ARHGAP35: variants seen among roughly 807,000 people sequenced by gnomAD.
The protein encoded by ARHGAP35 is rho GTPase-activating protein 35.
ARHGAP35 carries 15 observed loss-of-function variants against 111.1 expected under a neutral mutation model. The ratio of observed to expected loss-of-function variants is 0.13; its 90% confidence interval spans 0.09 to 0.21. ARHGAP35 has a LOEUF of 0.21. Ranked by LOEUF, ARHGAP35 falls within the 10% of genes least tolerant of loss-of-function variation. The pLI is 1.00. For synonymous variants in ARHGAP35, 643 were observed against 710.3 expected (o/e 0.91, Z 1.51); for missense variants, 1,262 against 1,873.0 (o/e 0.67, Z 6.02).
chr19:46,865,038 A>C (rs954185676), intron 1 of ARHGAP35, among the ~76,000 whole-genome samples: 1 of 152,174 alleles, frequency 6.6e-6, no homozygotes, highest in African/African-American at 2.4e-5. Flanking sequence ...TGATTTTTCC[A>C]CCTTAACTGG....
intron 1 of ARHGAP35, among the ~76,000 whole-genome samples, chr19:46,887,254 G>T (rs1008532200): frequency 2.0e-5 from 3 of 152,138 alleles, no homozygotes; most frequent in Non-Finnish European, 4.4e-5. Context: ...AAACCGTGGT[G>T]CTCCAAAGTA....
intron 2 of ARHGAP35, among the ~76,000 whole-genome samples, chr19:46,929,285 T>TA (rs1254635508): frequency 6.6e-6 from 1 of 152,176 alleles, no homozygotes; most frequent in African/African-American, 2.4e-5. Context: ...ATAACTTAAT[T>TA]AAAAAGGTCC....
intron 1 of ARHGAP35, among the ~76,000 whole-genome samples, chr19:46,900,372 CA>C (rs1568463247): frequency 6.6e-6 from 1 of 152,088 alleles, no homozygotes; most frequent in Non-Finnish European, 1.5e-5. Context: ...AGGCATGTGC[CA>C]CCACACCTGG....
Position 46,986,311 on chromosome 19 carries a change from G to A in ARHGAP35, c.3827-1678G>A, listed in dbSNP as rs1442702390. 6.6e-6 allele frequency among the ~76,000 whole-genome samples: 1 copy of A among 152,178 alleles called. No individual in the cohort carries two copies. The highest frequency in any genetic ancestry group is 1.5e-5 in the Non-Finnish European group (1 of 68,032). ...GTGCTCCTCTGCCCACGGTAGGATG[G>A]GGAGGGAGTGGGAGCCCATCCTTCC... On this transcript the variant is annotated intron_variant, in intron 3 of 6. Coordinates refer to ENST00000672722, the MANE Select transcript of ARHGAP35 (RefSeq NM_004491.5). This position sits in a 1 kb window ranked among gnomAD's most constrained non-coding sequence, Gnocchi z 4.3.
intron 1 of ARHGAP35, among the ~76,000 whole-genome samples, chr19:46,907,603 C>G (rs2056116973): frequency 6.6e-6 from 1 of 151,900 alleles, no homozygotes; most frequent in South Asian, 2.1e-4. Flanking sequence ...CTCAGCCTCC[C>G]GAGTAGCTGG....
At chr19:46,956,690 T>A (rs1426593691) in intron 3 of ARHGAP35, among the ~76,000 whole-genome samples, 1 of 152,164 alleles carries the variant, frequency 6.6e-6, no homozygotes, top group Non-Finnish European at 1.5e-5. Flanking sequence ...AATACATCAG[T>A]GTGATTAAGA....
chr19:46,960,461 T>G (rs2056473458), intron 3 of ARHGAP35, among the ~76,000 whole-genome samples: 1 of 152,192 alleles, frequency 6.6e-6, no homozygotes, highest in South Asian at 2.1e-4. Flanking sequence ...ATGAAGAATT[T>G]CATAGGTTTT....
intron 1 of ARHGAP35, among the ~76,000 whole-genome samples, chr19:46,872,715 C>A (rs2122121900): frequency 6.6e-6 from 1 of 151,918 alleles, no homozygotes; most frequent in East Asian, 1.9e-4. Context: ...TCCGTCTCTA[C>A]TAAAAATACA....
chr19:46,951,013 G>A (rs1379201183), intron 3 of ARHGAP35, among the ~76,000 whole-genome samples: 6 of 152,238 alleles, frequency 3.9e-5, no homozygotes, highest in South Asian at 2.1e-4. Context: ...TTTACAGGGC[G>A]AATGTGGAGC....
At chr19:46,941,580 AAG>A (rs1020136913) in intron 3 of ARHGAP35, among the ~76,000 whole-genome samples, 3 of 148,758 alleles carry the variant, frequency 2.0e-5, no homozygotes, top group South Asian at 2.1e-4. Context: ...TAAAAAACAA[AAG>A]AGAGAGAGAA....
intron 1 of ARHGAP35, among the ~76,000 whole-genome samples, chr19:46,903,301 G>T (rs147363087): frequency 1.3e-5 from 2 of 152,308 alleles, no homozygotes; most frequent in Non-Finnish European, 2.9e-5. Context: ...TGCCGTGGGA[G>T]TCAGAGTCGG....
At chr19:46,863,904 T>C (rs986513914) in intron 1 of ARHGAP35, among the ~76,000 whole-genome samples, 1 of 152,244 alleles carries the variant, frequency 6.6e-6, no homozygotes, top group Non-Finnish European at 1.5e-5. Context: ...CTTCCTGGTC[T>C]TCAAAATGGT....
rs757011768 is a variant in ARHGAP35, at chr19:46,919,944, G to A, written c.1269G>A (p.Leu423=). The part of the protein sequence containing the change: ...EQLYEAHLEK[L]RNERKRVEMR... ...TATACGAGGCCCACTTAGAGAAGCT[G>A]AGGAACGAAAGGAAAAGAGTTGAGA... The change falls in exon 2 of 7, where the codon CTG becomes CTA. Residue 423 remains leucine (L), a synonymous_variant. Transcript: ENST00000672722. The surrounding 1 kb of genome is among the most constrained non-coding windows in gnomAD (Gnocchi z 6.2). 12 of 1,614,010 alleles carry A rather than the reference G, an allele frequency of 7.4e-6. No individual in the cohort carries two copies. The Admixed American group carries it at 2.0e-4, about 27-fold the overall frequency.
At chr19:46,864,117 T>A (rs1568456252) in intron 1 of ARHGAP35, among the ~76,000 whole-genome samples, 1 of 152,214 alleles carries the variant, frequency 6.6e-6, no homozygotes, top group Non-Finnish European at 1.5e-5. Flanking sequence ...CCTTAAGCTT[T>A]TTGAGTGACC....
At chr19:46,892,212 G>A (rs2056028305) in intron 1 of ARHGAP35, among the ~76,000 whole-genome samples, 1 of 150,204 alleles carries the variant, frequency 6.7e-6, no homozygotes, top group Admixed American at 6.6e-5. Flanking sequence ...ACTGAGGTAG[G>A]AGAATCACTT....
At position 46,945,623 on chromosome 19, in the gene ARHGAP35, C is replaced by G. The variant is rs1458307622; in HGVS notation, c.3826+8215C>G. 6.6e-6 allele frequency among the ~76,000 whole-genome samples: 1 copy of G among 152,172 alleles called. No individual in the cohort carries two copies. The highest frequency in any genetic ancestry group is 1.5e-5 in the Non-Finnish European group (1 of 68,042). On this transcript the variant is annotated intron_variant, in intron 3 of 6. Transcript: ENST00000672722. This position sits in a 1 kb window ranked among gnomAD's most constrained non-coding sequence, Gnocchi z 4.1. ...CTGAGGCAGCTTCCAAGTGTCGTCA[C>G]ACCTGCCCACCCGGGACGGTCTCAG... is the stretch of plus-strand genomic sequence containing the variant.
Position 46,910,868 on chromosome 19 carries a change from G to A in ARHGAP35, c.-188-7620G>A, listed in dbSNP as rs372953779. 1.6e-3 allele frequency among the ~76,000 whole-genome samples: 241 copies of A among 152,248 alleles called. 2 individuals carry two copies. The highest frequency in any genetic ancestry group is 4.7e-3 in the African/African-American group (196 of 41,556). On this transcript the variant is annotated intron_variant, in intron 1 of 6. Coordinates refer to ENST00000672722, the MANE Select transcript of ARHGAP35 (RefSeq NM_004491.5). The stretch of plus-strand genomic sequence containing the variant: ...AGCCTCCCAAAGTGTAGGGATTACA[G>A]GTGTGAACCACTATGCCCAGCCTAA...
chr19:46,934,698 C>T (rs2122221498), intron 2 of ARHGAP35, among the ~76,000 whole-genome samples: 1 of 151,902 alleles, frequency 6.6e-6, no homozygotes, highest in East Asian at 1.9e-4. Flanking sequence ...GAGACGGGGT[C>T]GCACTTTGTC....
intron 1 of ARHGAP35, among the ~76,000 whole-genome samples, chr19:46,874,501 C>CTTTTTTTTTTTTTTTTTTTT (rs758783354): frequency 8.7e-6 from 1 of 114,468 alleles, no homozygotes; most frequent in Non-Finnish European, 1.7e-5. Flanking sequence ...TATGTTTTGT[C>CTTTTTTTTTTTTTTTTTTTT]TTTTTTTTTT....
Sources: allele counts gnomAD v4.1 joint callset (sites outside exome capture counted in the v4.1 genomes callset), GRCh38; gene constraint gnomAD v4.1.1; non-coding constraint Gnocchi (gnomAD v3.1); transcripts MANE v1.5; gene names NCBI Gene and HGNC (gene_info 2026-07-23, HGNC 2026-07-21).